The following LEKR1 variants were observed in gnomAD, a reference collection of about 807,000 sequenced individuals.
LEKR1 encodes leucine, glutamate and lysine rich 1.
A neutral mutation model predicts 72.4 loss-of-function variants in LEKR1; 59 were observed. That is an observed-to-expected ratio of 0.82 (90% CI 0.66 to 1.01). LEKR1 has a LOEUF of 1.01. Ranked by LOEUF, LEKR1 falls within the 50% of genes least tolerant of loss-of-function variation. The pLI is 0.00. For synonymous variants in LEKR1, 257 were observed against 263.2 expected (o/e 0.98, Z 0.23); for missense variants, 728 against 759.2 (o/e 0.96, Z 0.48).
At chr3:156,994,108 T>A (rs780514709) in intron 9 of LEKR1, among the ~76,000 whole-genome samples, 1 of 152,092 alleles carries the variant, frequency 6.6e-6, no homozygotes, top group Non-Finnish European at 1.5e-5. Context: ...AGGCACATGA[T>A]AGGTTATTTG....
At chr3:156,907,134 G>A (rs1003492100) in intron 3 of LEKR1, among the ~76,000 whole-genome samples, 12 of 151,770 alleles carry the variant, frequency 7.9e-5, no homozygotes, top group Non-Finnish European at 1.6e-4. Flanking sequence ...CATCTTCATT[G>A]TAAATAATCT....
intron 3 of LEKR1, among the ~76,000 whole-genome samples, chr3:156,868,872 T>C (rs1717605993): frequency 6.7e-6 from 1 of 150,314 alleles, no homozygotes; most frequent in Admixed American, 6.6e-5. Flanking sequence ...GCCTCTGGTA[T>C]CTATCAGTTT....
At chr3:157,033,845 C>A (rs1474345562) in intron 12 of LEKR1, among the ~76,000 whole-genome samples, 4 of 152,168 alleles carry the variant, frequency 2.6e-5, no homozygotes, top group African/African-American at 4.8e-5. Context: ...CAGTCTAATT[C>A]TCTCATTAGG....
chr3:156,979,105 A>T (rs1729954344), intron 6 of LEKR1, 89 bp from the exon 7 acceptor site: 2 of 544,250 alleles, frequency 3.7e-6, no homozygotes, highest in Non-Finnish European at 6.2e-6. Context: ...TCAGGAGCTG[A>T]CTAGCAACAA....
intron 3 of LEKR1, among the ~76,000 whole-genome samples, chr3:156,854,682 A>G (rs1715827601): frequency 6.6e-6 from 1 of 150,902 alleles, no homozygotes; most frequent in Non-Finnish European, 1.5e-5. Context: ...CTGGGACCAC[A>G]GGTGCACACC....
At chr3:156,836,324 G>T (rs763010213) in intron 2 of LEKR1, among the ~76,000 whole-genome samples, 2 of 151,994 alleles carry the variant, frequency 1.3e-5, no homozygotes, top group Non-Finnish European at 2.9e-5. Context: ...AATGGGGCCC[G>T]TGGTACCTCC....
intron 3 of LEKR1, among the ~76,000 whole-genome samples, chr3:156,855,983 G>A (rs1286733515): frequency 7.0e-6 from 1 of 142,912 alleles, no homozygotes; most frequent in Non-Finnish European, 1.5e-5. Context: ...GGTCTATGAA[G>A]ACTTCATACA....
At chr3:156,882,450 A>C (rs1328781907) in intron 3 of LEKR1, among the ~76,000 whole-genome samples, 1 of 152,240 alleles carries the variant, frequency 6.6e-6, no homozygotes, top group Non-Finnish European at 1.5e-5. Context: ...AACCACATTG[A>C]GATACCATCT....
intron 3 of LEKR1, among the ~76,000 whole-genome samples, chr3:156,899,588 A>T (rs954795278): frequency 6.2e-5 from 9 of 144,362 alleles, no homozygotes; most frequent in Non-Finnish European, 9.1e-5. Context: ...ATATACATGT[A>T]TATATACATA....
chr3:156,953,221 T>C, intron 6 of LEKR1, among the ~76,000 whole-genome samples: 1 of 151,420 alleles, frequency 6.6e-6, no homozygotes, highest in East Asian at 1.9e-4. Context: ...AATGAAAAGA[T>C]AATATAGAGC....
chr3:157,024,672 A>G (rs1734066464), intron 10 of LEKR1, 88 bp from the exon 11 acceptor site: 1 of 985,600 alleles, frequency 1.0e-6, no homozygotes, highest in South Asian at 1.6e-5. Context: ...ATGTCAGAAC[A>G]TTTTAAAACT....
intron 3 of LEKR1, among the ~76,000 whole-genome samples, chr3:156,916,681 T>C (rs901066028): frequency 6.6e-6 from 1 of 152,158 alleles, no homozygotes; most frequent in Non-Finnish European, 1.5e-5. Flanking sequence ...TTTCCAGATA[T>C]AGAATCATGT....
At chr3:157,000,575 G>A (rs990280379) in intron 9 of LEKR1, among the ~76,000 whole-genome samples, 2 of 152,114 alleles carry the variant, frequency 1.3e-5, no homozygotes, top group Admixed American at 1.3e-4. Flanking sequence ...GTGCCTGGTA[G>A]GTTGTAGGTA....
intron 6 of LEKR1, among the ~76,000 whole-genome samples, chr3:156,956,545 A>G (rs1320374915): frequency 6.6e-6 from 1 of 152,038 alleles, no homozygotes; most frequent in Non-Finnish European, 1.5e-5. Context: ...AATAAGTGCT[A>G]TAGAGATAAC....
At chr3:157,023,818 C>G (rs750945504) in intron 10 of LEKR1, among the ~76,000 whole-genome samples, 9 of 152,096 alleles carry the variant, frequency 5.9e-5, no homozygotes, top group Non-Finnish European at 1.2e-4. Flanking sequence ...TTCTAAGGTC[C>G]CTTCTAGCAT....
intron 3 of LEKR1, among the ~76,000 whole-genome samples, chr3:156,918,915 G>C (rs1007047741): frequency 2.6e-5 from 4 of 152,120 alleles, no homozygotes; most frequent in Non-Finnish European, 5.9e-5. Flanking sequence ...GAGCCTCAAG[G>C]CAGCATTGTT....
chr3:156,890,967 C>G (rs1185106902), intron 3 of LEKR1, among the ~76,000 whole-genome samples: 1 of 149,230 alleles, frequency 6.7e-6, no homozygotes, highest in Non-Finnish European at 1.5e-5. Context: ...TCAAGTGATT[C>G]TCCTGCCTCA....
chr3:156,853,385 T>A (rs1014830037), intron 3 of LEKR1: 2 of 152,652 alleles, frequency 1.3e-5, no homozygotes, highest in African/African-American at 4.8e-5. Flanking sequence ...TTGAAAAAGA[T>A]GCCAAGACGT....
chr3:156,983,150 CTG>C (rs1730383377), intron 7 of LEKR1, among the ~76,000 whole-genome samples: 1 of 152,026 alleles, frequency 6.6e-6, no homozygotes, highest in African/African-American at 2.4e-5. Flanking sequence ...AAAAGAAAGA[CTG>C]TCATTTATGG....
Sources: allele counts gnomAD v4.1 joint callset (sites outside exome capture counted in the v4.1 genomes callset), GRCh38; gene constraint gnomAD v4.1.1; transcripts MANE v1.5; gene names NCBI Gene and HGNC (gene_info 2026-07-23, HGNC 2026-07-21).